Variants in TMEM161A observed in about 807,000 individuals in gnomAD.
TMEM161A encodes the protein adaptive response to oxidative stress protein 29.
TMEM161A carries 46 observed loss-of-function variants against 57.1 expected under a neutral mutation model. That is an observed-to-expected ratio of 0.81 (90% CI 0.64 to 1.03). The LOEUF is 1.03. TMEM161A is among the 50% of genes least tolerant of loss of function. The probability of loss-of-function intolerance (pLI) is 0.00; values close to 1 mark genes in which losing one functional copy is unlikely to be tolerated. For synonymous variants in TMEM161A, 288 were observed against 279.0 expected, an observed-to-expected ratio of 1.03 and a Z score of -0.32; for missense variants, 601 against 621.5, an observed-to-expected ratio of 0.97 and a Z score of 0.35.
At chr19:19,122,988 T>C (rs991311889) in intron 6 of TMEM161A, among the ~76,000 whole-genome samples, 16 of 152,212 alleles carry the variant, frequency 1.1e-4, no homozygotes. Context: ...TTCAGATGAC[T>C]GGGTAGAGTT....
At position 19,119,997 on chromosome 19, in the gene TMEM161A, G is replaced by C; in HGVS notation, c.1373C>G (p.Thr458Arg). The change falls in exon 12 of 12, where the codon ACG becomes AGG. Residue 458 changes from threonine (T) to arginine (R), a missense_variant. Physicochemically the swap from Thr to Arg is moderately conservative, Grantham distance 71. Coordinates refer to ENST00000162044, the MANE Select transcript of TMEM161A (RefSeq NM_017814.3). ...RGVLAYLIWW[T>R]AACQLLASLF... ...GCTGGCGAGCAGCTGGCAGGCAGCC[G>C]TCCACCAGATGAGGTAGGCCAGGAC... 6.3e-7 allele frequency: 1 copy of C among 1,587,392 alleles called. No individual in the cohort carries two copies. The highest frequency in any genetic ancestry group is 8.6e-7 in the Non-Finnish European group (1 of 1,167,724).
Position 19,120,203 on chromosome 19 carries a change from C to A in TMEM161A, c.1187-20G>T. 3 of 1,520,880 alleles carry A rather than the reference C, an allele frequency of 2.0e-6. No individual in the cohort carries two copies. The highest frequency in any genetic ancestry group is 2.1e-5 in the Admixed American group (1 of 47,614). 94.2% of individuals were successfully genotyped at this position (1,520,880 alleles called of 1,614,324 possible). A position where few individuals can be genotyped will look rare whatever the true frequency, so the allele number is the denominator to read the frequency against. ...AGCCTCCTAGGAGAAGAGGATGAAG[C>A]GAGGTATGAGTGGAAAAATGGGGGA... On this transcript the variant is annotated intron_variant, in intron 11 of 11. Transcript: ENST00000162044.
At position 19,119,638 on chromosome 19, in the gene TMEM161A, C is replaced by CT; in HGVS notation, c.*291dup. ...CCTGTTTGTAAAAATCGGCATGCTC[C>CT]TTTATTTGTTCAGAAGAGCAGCCAG... On this transcript the variant is annotated 3_prime_UTR_variant, in exon 12 of 12. Coordinates refer to ENST00000162044, the MANE Select transcript of TMEM161A (RefSeq NM_017814.3). 1 of 446,870 alleles carries CT rather than the reference C, an allele frequency of 2.2e-6. No individual in the cohort carries two copies. 27.7% of individuals were successfully genotyped at this position (446,870 alleles called of 1,614,324 possible).
Position 19,119,712 on chromosome 19 carries a change from C to G in TMEM161A, c.*218G>C, listed in dbSNP as rs2059897594. ...GGCACATACGCTTCGGAGACAATGG[C>G]CTCGGGACCCTCATGCTGCTGGGCC... On this transcript the variant is annotated 3_prime_UTR_variant, in exon 12 of 12. Transcript: ENST00000162044. The G allele has an allele frequency of 1.7e-6, 1 of 601,444 alleles. No individual in the cohort carries two copies. The highest frequency in any genetic ancestry group is 2.9e-6 in the Non-Finnish European group (1 of 343,260). 37.3% of individuals were successfully genotyped at this position (601,444 alleles called of 1,614,324 possible). A position where few individuals can be genotyped will look rare whatever the true frequency, so the allele number is the denominator to read the frequency against.
Position 19,138,411 on chromosome 19 carries a change from G to T in TMEM161A, c.3+15C>A. On this transcript the variant is annotated intron_variant, in intron 1 of 11. Transcript: ENST00000162044. The stretch of plus-strand genomic sequence containing the variant: ...GGCCCTGCAGAACCCCCCACTTCGC[G>T]GGACGCTCGCTCACCATGACGCGTG... 1.2e-6 allele frequency: 2 copies of T among 1,602,864 alleles called. No individual in the cohort carries two copies. Among genetic ancestry groups the T allele is most frequent in the East Asian group, 2.3e-5 (1 of 44,122 alleles).
rs1247009668 is a variant in TMEM161A at position 19,119,813 on chromosome 19, C to G, written c.*117G>C. ...GTCAGGCACTGTGGTGAAGGGAACG[C>G]CGGGGAGTCCGGCCCCACCTTGCAG... On this transcript the variant is annotated 3_prime_UTR_variant, in exon 12 of 12. Coordinates refer to ENST00000162044, the MANE Select transcript of TMEM161A (RefSeq NM_017814.3). The G allele has an allele frequency of 7.4e-7, 1 of 1,342,814 alleles. No homozygotes were observed. The highest frequency in any genetic ancestry group is 1.0e-6 in the Non-Finnish European group (1 of 994,988). The allele number at this position is 1,342,814 out of a possible 1,614,324, so 83.2% of individuals were successfully genotyped here.
In TMEM161A at chr19:19,130,252, G is replaced by C. The variant is rs761014954; in HGVS notation, c.499C>G (p.Arg167Gly). Residue 167 changes from arginine (R) to glycine (G), a missense_variant, in exon 6 of 12, where the codon CGC becomes GGC. Arg to Gly is a moderately radical substitution (Grantham distance 125). Coordinates refer to ENST00000162044, the MANE Select transcript of TMEM161A (RefSeq NM_017814.3). The stretch of plus-strand genomic sequence containing the variant: ...AAGGCAAAGGTGAGGCAGACAGAGC[G>C]CTCACCCCCCTCCTCGGCGCTGAAG... ...LYFSAEEGGE[R>G]SVCLTFAFLF... 6.2e-7 allele frequency: 1 copy of C among 1,613,862 alleles called. No homozygotes were observed. Among genetic ancestry groups the C allele is most frequent in the South Asian group, 1.1e-5 (1 of 91,084 alleles).
chr19:19,125,883 C>T (rs1212457345), intron 6 of TMEM161A, among the ~76,000 whole-genome samples: 4 of 151,968 alleles, frequency 2.6e-5, no homozygotes, highest in Non-Finnish European at 5.9e-5. Flanking sequence ...AATCCCAGCA[C>T]TTTGGGAGGC....
At chr19:19,124,321 T>A (rs2059922316) in intron 6 of TMEM161A, among the ~76,000 whole-genome samples, 1 of 152,108 alleles carries the variant, frequency 6.6e-6, no homozygotes, top group Admixed American at 6.5e-5. Context: ...TTTATTAAAC[T>A]CATAGAGCCA....
intron 6 of TMEM161A, among the ~76,000 whole-genome samples, chr19:19,124,306 T>G (rs72993480): frequency 0.11 from 16,426 of 152,208 alleles, 992 homozygotes; most frequent in Middle Eastern, 0.16. Flanking sequence ...AGATGGAGAT[T>G]TGAATTTATT....
rs367592271 is a variant in TMEM161A, at chr19:19,119,901, C to G, written c.*29G>C. 1 of 1,547,942 alleles carries G rather than the reference C, an allele frequency of 6.5e-7. No individual in the cohort carries two copies. Among genetic ancestry groups the G allele is most frequent in the Admixed American group, 2.0e-5 (1 of 51,062 alleles). ...GTGTCCCGCTGCCCCAGGAACAGAC[C>G]TCAGGGCCCCAGGAGGGTCTGCAGG... On this transcript the variant is annotated 3_prime_UTR_variant, in exon 12 of 12. Transcript: ENST00000162044.
At chr19:19,138,126 T>C (rs1413766469) in intron 1 of TMEM161A, among the ~76,000 whole-genome samples, 1 of 152,158 alleles carries the variant, frequency 6.6e-6, no homozygotes, top group Non-Finnish European at 1.5e-5. Flanking sequence ...CAGTCCCCTC[T>C]GTGGGACCAC....
chr19:19,133,047 C>T (rs2059966381), intron 3 of TMEM161A, 83 bp downstream of exon 3: 4 of 1,347,602 alleles, frequency 3.0e-6, no homozygotes, highest in African/African-American at 2.9e-5. Flanking sequence ...GTCCCTGAGC[C>T]CAGAGCCCCC....
chr19:19,132,461 A>G lies in TMEM161A; in HGVS notation c.334T>C (p.Tyr112His), dbSNP rs1462728378. 2 of 1,614,184 alleles carry G rather than the reference A, an allele frequency of 1.2e-6. No homozygotes were observed. The highest frequency in any genetic ancestry group is 1.7e-5 in the Admixed American group (1 of 60,004). Residue 112 changes from tyrosine (Y) to histidine (H), a missense_variant, in exon 5 of 12, where the codon TAC (tyrosine) becomes CAC (histidine). Transcript: ENST00000162044. This position sits in a 1 kb window ranked among gnomAD's most constrained non-coding sequence, Gnocchi z 4.3. ...EYQWFVDFAV[Y>H]SGGVYLFTEA... ...GTGAAGAGGTACACGCCGCCCGAGT[A>G]CACAGCAAAGTCCACAAACCACTGG...
At chr19:19,125,778 A>C (rs1401806800) in intron 6 of TMEM161A, among the ~76,000 whole-genome samples, 2 of 151,446 alleles carry the variant, frequency 1.3e-5, no homozygotes, top group Admixed American at 1.3e-4. Flanking sequence ...GGCCTCCCAA[A>C]GTGCTGGGAT....
intron 6 of TMEM161A, among the ~76,000 whole-genome samples, chr19:19,123,354 C>G (rs1390401600): frequency 2.0e-5 from 3 of 152,108 alleles, no homozygotes; most frequent in Non-Finnish European, 4.4e-5. Context: ...AAATCCATAC[C>G]TAGACATAAT....
intron 6 of TMEM161A, among the ~76,000 whole-genome samples, chr19:19,122,665 C>A (rs116369322): frequency 0.025 from 3,741 of 148,818 alleles, 147 homozygotes; most frequent in African/African-American, 0.087. Context: ...GTCCCAGCTA[C>A]TGTGAAGGCT....
intron 6 of TMEM161A, among the ~76,000 whole-genome samples, chr19:19,128,346 C>G (rs1344871881): frequency 6.6e-6 from 1 of 151,696 alleles, no homozygotes; most frequent in Non-Finnish European, 1.5e-5. Context: ...ATTCTCCTGC[C>G]TCAGCCTCCC....
At chr19:19,123,188 AAGACAGAACAG>A (rs1252878105) in intron 6 of TMEM161A, among the ~76,000 whole-genome samples, 2 of 152,222 alleles carry the variant, frequency 1.3e-5, no homozygotes, top group Non-Finnish European at 2.9e-5. Flanking sequence ...AGAGATAAGG[AAGACAGAACAG>A]AGAGCCCAAC....
Sources: gnomAD v4.1 joint callset for allele counts (sites outside exome capture counted in the v4.1 genomes callset) on GRCh38, gnomAD v4.1.1 for gene constraint, Gnocchi (gnomAD v3.1) non-coding constraint, MANE v1.5 for transcripts, NCBI Gene and HGNC (gene_info 2026-07-23, HGNC 2026-07-21) for gene names.